Variants in TCTN2 observed in about 807,000 individuals in gnomAD.
TCTN2 encodes tectonic family member 2, also known as tectonic-2.
Under a neutral mutation model 83.4 loss-of-function variants are expected in TCTN2, and 66 were observed. The ratio of observed to expected loss-of-function variants is 0.79; its 90% CI spans 0.65 to 0.97. The LOEUF is 0.97. TCTN2 is among the 50% of genes least tolerant of loss of function. The pLI, the probability that TCTN2 is intolerant of heterozygous loss-of-function variation, is 0.00. For missense variants in TCTN2, 794 were observed against 858.1 expected, an observed-to-expected ratio of 0.93 and a Z score of 0.93; for synonymous variants, 301 against 326.7, an observed-to-expected ratio of 0.92 and a Z score of 0.85.
chr12:123,687,830 G>T lies in TCTN2; in HGVS notation c.765-221G>T, dbSNP rs535073828. On this transcript the variant is annotated intron_variant, in intron 6 of 17. Coordinates refer to ENST00000303372, the MANE Select transcript of TCTN2 (RefSeq NM_024809.5). Reference sequence around the variant, plus strand: ...TACAAAAAATTAGCCAGGTGTGGTGGTGGGCACCTGTAATCCCAGCTTACT... The same window carrying T: ...TACAAAAAATTAGCCAGGTGTGGTGTTGGGCACCTGTAATCCCAGCTTACT... Among the ~76,000 whole-genome samples the T allele has an allele frequency of 3.9e-5, 6 of 152,168 alleles. No individual in the cohort carries two copies. The East Asian group carries it at 1.2e-3, about 29-fold the overall frequency.
At position 123,673,674 on chromosome 12, in the gene TCTN2, G is replaced by A. The variant is rs2135816414; in HGVS notation, c.327G>A (p.Glu109=). The change falls in exon 4 of 18, where the codon GAG becomes GAA. Residue 109 remains glutamate, a synonymous_variant. Coordinates refer to ENST00000303372, the MANE Select transcript of TCTN2 (RefSeq NM_024809.5). ...KRGLDWCSSN[E]TDSFSESPCI... ...GTCTGGACTGGTGTTCCTCCAATGA[G>A]ACAGATTCCTTCTCAGAGTCCCCCT... 2 of 1,614,214 alleles carry A rather than the reference G, an allele frequency of 1.2e-6. No individual in the cohort carries two copies. The highest frequency in any genetic ancestry group is 1.3e-5 in the African/African-American group (1 of 75,040).
chr12:123,687,090 G>T, intron 6 of TCTN2, 55 bp downstream of exon 6: 3 of 1,602,274 alleles, frequency 1.9e-6, no homozygotes, highest in Non-Finnish European at 2.6e-6. Context: ...CCCTGGTGGG[G>T]CCATACTCTA....
Position 123,696,503 on chromosome 12 carries a change from G to T in TCTN2, c.1393+8G>T, listed in dbSNP as rs1260036732. On this transcript the variant is annotated splice_region_variant and intron_variant, in intron 12 of 17. Coordinates refer to ENST00000303372, the MANE Select transcript of TCTN2 (RefSeq NM_024809.5). ...TACATCTTTGGCAATCGGGTAATCC[G>T]GTTTGGTCATTATGATTAGCCCTTT... 1 of 1,612,370 alleles carries T rather than the reference G, an allele frequency of 6.2e-7. No homozygotes were observed. The highest frequency in any genetic ancestry group is 1.3e-5 in the African/African-American group (1 of 74,880).
At chr12:123,703,390 C>T (rs1334644780) in intron 14 of TCTN2, among the ~76,000 whole-genome samples, 1 of 152,120 alleles carries the variant, frequency 6.6e-6, no homozygotes, top group Non-Finnish European at 1.5e-5. Flanking sequence ...CCATGTTGGC[C>T]AGGCTGGTCT....
At chr12:123,682,459 CT>C (rs71088947) in intron 5 of TCTN2, among the ~76,000 whole-genome samples, 4 of 151,266 alleles carry the variant, frequency 2.6e-5, no homozygotes, top group Non-Finnish European at 5.9e-5. Flanking sequence ...ATTCTAGTTT[CT>C]TTTTTTTGTT....
chr12:123,692,800 A>G (rs1729120724), intron 9 of TCTN2, 77 bp downstream of exon 9: 1 of 1,152,780 alleles, frequency 8.7e-7, no homozygotes, highest in Non-Finnish European at 1.3e-6. Flanking sequence ...ATACCCTCAG[A>G]GTGTATATTT....
chr12:123,696,431 G>A lies in TCTN2; in HGVS notation c.1329G>A (p.Lys443=), dbSNP rs543166165. 50 of 1,614,150 alleles carry A rather than the reference G, an allele frequency of 3.1e-5. No homozygotes were observed. The highest frequency in any genetic ancestry group is 8.3e-5 in the Admixed American group (5 of 60,012). ...LSGNPGYQLG[K]PVRALNINRM... ...TTTGTCTAGGTTACCAACTTGGCAA[G>A]CCTGTCCGAGCTCTAAATATCAACA... is the stretch of plus-strand genomic sequence containing the variant. The change falls in exon 12 of 18, where the codon AAG becomes AAA. Residue 443 remains lysine, a synonymous_variant. Coordinates refer to ENST00000303372, the MANE Select transcript of TCTN2 (RefSeq NM_024809.5).
At chr12:123,698,876 G>A (rs1374115442) in intron 13 of TCTN2, among the ~76,000 whole-genome samples, 3 of 152,142 alleles carry the variant, frequency 2.0e-5, no homozygotes, top group Non-Finnish European at 4.4e-5. Flanking sequence ...TAGGTTTTGA[G>A]GCCTGAGTCC....
intron 15 of TCTN2, among the ~76,000 whole-genome samples, chr12:123,705,633 G>A (rs775604827): frequency 6.6e-6 from 1 of 152,110 alleles, no homozygotes; most frequent in Non-Finnish European, 1.5e-5. Flanking sequence ...CCTTTGGGTT[G>A]GCTTCATTCT....
At chr12:123,697,328 A>C in intron 13 of TCTN2, 130 bp downstream of exon 13, 1 of 743,924 alleles carries the variant, frequency 1.3e-6, no homozygotes, top group Non-Finnish European at 2.4e-6. Context: ...AGTGATAATA[A>C]ATACAGACAT....
At chr12:123,674,423 A>AT (rs1439312971) in intron 4 of TCTN2, among the ~76,000 whole-genome samples, 5 of 152,046 alleles carry the variant, frequency 3.3e-5, no homozygotes, top group African/African-American at 1.2e-4. Flanking sequence ...GGCTCACGCT[A>AT]CCACGCCCAG....
intron 14 of TCTN2, among the ~76,000 whole-genome samples, chr12:123,700,577 C>T (rs6488894): frequency 0.36 from 54,557 of 152,022 alleles, 10,276 homozygotes; most frequent in African/African-American, 0.41. Context: ...GGATTACAGG[C>T]GCCCACCACC....
At chr12:123,681,378 G>A (rs1352301827) in intron 5 of TCTN2, among the ~76,000 whole-genome samples, 14 of 152,054 alleles carry the variant, frequency 9.2e-5, no homozygotes, top group Admixed American at 8.5e-4. Context: ...GAAAGAAATC[G>A]TGTGTCCCTG....
At position 123,694,920 on chromosome 12, in the gene TCTN2, C is replaced by T. The variant is rs535073531; in HGVS notation, c.1178C>T (p.Thr393Ile). The T allele has an allele frequency of 1.9e-6, 3 of 1,613,096 alleles. No homozygotes were observed. Among genetic ancestry groups the T allele is most frequent in the South Asian group, 2.2e-5 (2 of 91,064 alleles). ...TATATTTTCAAATGGAATAATAATACCATCAGTGAAATAAATGTTAAAATT... is the reference window on the plus strand; with the variant it reads ...TATATTTTCAAATGGAATAATAATATCATCAGTGAAATAAATGTTAAAATT... ...EHYIFKWNNN[T>I]ISEINVKIFR... Residue 393 changes from threonine to isoleucine, a missense_variant, in exon 10 of 18, where the codon ACC becomes ATC. Physicochemically the swap from Thr to Ile is moderately conservative, Grantham distance 89. Transcript: ENST00000303372.
chr12:123,691,911 T>C lies in TCTN2; in HGVS notation c.1034-747T>C, dbSNP rs1956047228. ...CACACCTGGCTAATTTTTTTTTTTTTGAGACCAAGTCTTGCTCTTGTCCGC... is the reference window on the plus strand; with the variant it reads ...CACACCTGGCTAATTTTTTTTTTTTCGAGACCAAGTCTTGCTCTTGTCCGC... On this transcript the variant is annotated intron_variant, in intron 8 of 17. Coordinates refer to ENST00000303372, the MANE Select transcript of TCTN2 (RefSeq NM_024809.5). 2.1e-5 allele frequency among the ~76,000 whole-genome samples: 3 copies of C among 141,646 alleles called. 1 individual carries two copies. The South Asian group carries it at 6.7e-4, about 32-fold the overall frequency. The allele number at this position is 141,646 out of a possible 152,430, so 92.9% of individuals were successfully genotyped here.
At chr12:123,707,289 C>T in intron 17 of TCTN2, 3 of 620,026 alleles carry the variant, frequency 4.8e-6, no homozygotes. Flanking sequence ...CTCTGACACC[C>T]TGGCTGGAGT....
At chr12:123,687,797 A>C (rs761335955) in intron 6 of TCTN2, among the ~76,000 whole-genome samples, 4 of 152,086 alleles carry the variant, frequency 2.6e-5, no homozygotes, top group Non-Finnish European at 5.9e-5. Flanking sequence ...CCCCATCTTT[A>C]CTAAAAATAC....
Position 123,704,696 on chromosome 12 carries a change from C to T in TCTN2, c.1769+8C>T, listed in dbSNP as rs747529799. The T allele has an allele frequency of 2.5e-6, 4 of 1,613,224 alleles. No homozygotes were observed. Among genetic ancestry groups the T allele is most frequent in the African/African-American group, 2.7e-5 (2 of 74,646 alleles). On this transcript the variant is annotated splice_region_variant and intron_variant, in intron 15 of 17. Transcript: ENST00000303372. ...ACTCGGTGTAGAGACAAGGTATGAT[C>T]ACATCTTGGATCACCGTAGTTTAGA...
At chr12:123,694,327 C>T (rs2135845936) in intron 9 of TCTN2, among the ~76,000 whole-genome samples, 1 of 152,342 alleles carries the variant, frequency 6.6e-6, no homozygotes, top group South Asian at 2.1e-4. Flanking sequence ...CAGGGTTTCG[C>T]CATGCTGGCC....
Sources: allele counts gnomAD v4.1 joint callset (sites outside exome capture counted in the v4.1 genomes callset), GRCh38; gene constraint gnomAD v4.1.1; transcripts MANE v1.5; gene names NCBI Gene and HGNC (gene_info 2026-07-23, HGNC 2026-07-21).